Variants in SORBS2 observed in about 807,000 individuals in gnomAD.
The protein encoded by SORBS2 is sorbin and SH3 domain containing 2, also known as sorbin and SH3 domain-containing protein 2.
Under a neutral mutation model 97.7 loss-of-function variants are expected in SORBS2, and 46 were observed. That is an observed-to-expected ratio of 0.47 (90% confidence interval 0.37 to 0.60). The LOEUF (loss-of-function observed/expected upper bound fraction) is 0.60, where lower values mean the gene tolerates loss of function less well. Among genes scored for constraint, SORBS2 ranks in the 20% least tolerant of loss-of-function variants. The pLI, the probability that SORBS2 is intolerant of heterozygous loss-of-function variation, is 0.00. For synonymous variants in SORBS2, 476 were observed against 473.4 expected, an observed-to-expected ratio of 1.01 and a Z score of -0.07; for missense variants, 1,316 against 1,282.3, an observed-to-expected ratio of 1.03 and a Z score of -0.40.
chr4:185,665,881 G>A (rs1257645957), intron 4 of SORBS2: 17 of 1,184,792 alleles, frequency 1.4e-5, no homozygotes, highest in Non-Finnish European at 1.8e-5. Flanking sequence ...CTCACTCTCC[G>A]AGCGGGAGGA....
chr4:185,689,537 G>T (rs1052504361), intron 2 of SORBS2, among the ~76,000 whole-genome samples: 3 of 152,156 alleles, frequency 2.0e-5, no homozygotes, highest in African/African-American at 7.2e-5. Flanking sequence ...ACTGTCTCCA[G>T]TATCCTCATC....
At chr4:185,795,386 C>G (rs148089405) in intron 1 of SORBS2, among the ~76,000 whole-genome samples, 2 of 152,302 alleles carry the variant, frequency 1.3e-5, no homozygotes, top group Middle Eastern at 3.4e-3. Flanking sequence ...CTCCCTGCCT[C>G]AGCAATCTTT....
intron 9 of SORBS2, among the ~76,000 whole-genome samples, chr4:185,615,568 C>A (rs914062354): frequency 2.6e-5 from 4 of 151,624 alleles, no homozygotes; most frequent in Non-Finnish European, 5.9e-5. Flanking sequence ...AGCCCCCCAG[C>A]CCCTTTTGAT....
At chr4:185,954,425 T>C (rs1181856312) in intron 1 of SORBS2, among the ~76,000 whole-genome samples, 1 of 152,248 alleles carries the variant, frequency 6.6e-6, no homozygotes, top group Non-Finnish European at 1.5e-5. Context: ...GCTTTTTAAA[T>C]ATTAGATGTA....
intron 4 of SORBS2, among the ~76,000 whole-genome samples, chr4:185,640,966 CTCTTAG>C (rs2097115143): frequency 6.6e-6 from 1 of 152,132 alleles, no homozygotes; most frequent in Admixed American, 6.5e-5. Context: ...ATAGAAACTT[CTCTTAG>C]AGGAAACGAA....
intron 1 of SORBS2, among the ~76,000 whole-genome samples, chr4:185,801,226 G>A (rs901397139): frequency 1.1e-4 from 16 of 152,134 alleles, no homozygotes; most frequent in African/African-American, 3.9e-4. Flanking sequence ...TTTTAGGGCT[G>A]AATAATATCC....
chr4:185,673,122 C>T (rs1173326117), intron 4 of SORBS2, among the ~76,000 whole-genome samples: 1 of 152,094 alleles, frequency 6.6e-6, no homozygotes, highest in East Asian at 1.9e-4. Context: ...CTCAGAAGGA[C>T]AAATATCTGA....
chr4:185,615,262 A>G (rs2096610668), intron 9 of SORBS2, 103 bp from the exon 22 acceptor site: 1 of 710,122 alleles, frequency 1.4e-6, no homozygotes, highest in East Asian at 2.6e-5. Context: ...TATACTTACA[A>G]TATTAAAAAA....
chr4:185,906,391 T>C (rs1188434000), intron 1 of SORBS2, among the ~76,000 whole-genome samples: 1 of 152,354 alleles, frequency 6.6e-6, no homozygotes, highest in East Asian at 1.9e-4. Context: ...TATGCCACTC[T>C]ATCCAAAACT....
rs182447807 is a variant in SORBS2 at position 185,928,805 on chromosome 4, T to C, written c.-338+27391A>G. Among the ~76,000 whole-genome samples the C allele has an allele frequency of 2.3e-3, 343 of 152,210 alleles. 2 individuals are homozygous for C. The highest frequency in any genetic ancestry group is 7.6e-3 in the African/African-American group (316 of 41,542). ...TCGTGATCCGCCCACCTCGGCCTCC[T>C]AAAGTGCTGGGATTCCAGGCGTGAG... On this transcript the variant is annotated intron_variant, in intron 1 of 20. Transcript: ENST00000284776.
chr4:185,793,561 T>G (rs1004483470), intron 1 of SORBS2, among the ~76,000 whole-genome samples: 1 of 152,286 alleles, frequency 6.6e-6, no homozygotes, highest in South Asian at 2.1e-4. Context: ...AAGAAGATTT[T>G]TATTTATTTA....
At chr4:185,635,787 T>C (rs1270258382) in intron 4 of SORBS2, among the ~76,000 whole-genome samples, 1 of 152,204 alleles carries the variant, frequency 6.6e-6, no homozygotes, top group Non-Finnish European at 1.5e-5. Context: ...AAAATGATTA[T>C]GGAAAATGCT....
At chr4:185,696,063 G>T (rs1222714676) in intron 2 of SORBS2, among the ~76,000 whole-genome samples, 1 of 152,140 alleles carries the variant, frequency 6.6e-6, no homozygotes, top group African/African-American at 2.4e-5. Flanking sequence ...CTATGCTGAG[G>T]CCAGAACACA....
chr4:185,794,212 A>G (rs2099094790), intron 1 of SORBS2, among the ~76,000 whole-genome samples: 1 of 152,200 alleles, frequency 6.6e-6, no homozygotes, highest in South Asian at 2.1e-4. Context: ...CCAGGTAAAG[A>G]AATGACGTTA....
intron 1 of SORBS2, among the ~76,000 whole-genome samples, chr4:185,920,042 A>G (rs546710580): frequency 1.4e-4 from 22 of 152,368 alleles, no homozygotes; most frequent in African/African-American, 5.0e-4. Flanking sequence ...TGCAAGCTAT[A>G]TGTTATTCTC....
chr4:185,722,516 T>C (rs937193754), intron 2 of SORBS2, among the ~76,000 whole-genome samples: 1 of 152,208 alleles, frequency 6.6e-6, no homozygotes, highest in Non-Finnish European at 1.5e-5. Context: ...ACTGTGAATA[T>C]CACTTCAGGC....
intron 1 of SORBS2, among the ~76,000 whole-genome samples, chr4:185,797,271 C>A (rs1200725696): frequency 2.0e-5 from 3 of 152,238 alleles, no homozygotes; most frequent in African/African-American, 7.2e-5. Context: ...TCGCTCATTT[C>A]TCCCGGCCCC....
chr4:185,952,664 T>C (rs1167015022), intron 1 of SORBS2, among the ~76,000 whole-genome samples: 1 of 152,244 alleles, frequency 6.6e-6, no homozygotes, highest in Non-Finnish European at 1.5e-5. Context: ...TCGTTCTTTG[T>C]TGAGATCAAA....
rs537195530 is a variant in SORBS2, at chr4:185,848,618, C to CTTTTTT, written c.-337-73258_-337-73253dup. Among the ~76,000 whole-genome samples the CTTTTTT allele has an allele frequency of 4.0e-4, 30 of 75,640 alleles. 3 individuals are homozygous for CTTTTTT. Among genetic ancestry groups the CTTTTTT allele is most frequent in the African/African-American group, 1.3e-3 (22 of 17,240 alleles). 49.6% of individuals were successfully genotyped at this position (75,640 alleles called of 152,430 possible). A position where few individuals can be genotyped will look rare whatever the true frequency, so the allele number is the denominator to read the frequency against. ...TTAAATGTTCTTTATAAGGATATCT[C>CTTTTTT]TTTTTTTTTTTTTTTTTTTTTTTTT... On this transcript the variant is annotated intron_variant, in intron 1 of 20. Transcript: ENST00000284776.
Sources: allele counts gnomAD v4.1 joint callset (sites outside exome capture counted in the v4.1 genomes callset), GRCh38; gene constraint gnomAD v4.1.1; transcripts MANE v1.5; gene names NCBI Gene and HGNC (gene_info 2026-07-23, HGNC 2026-07-21).